The following SLC25A21 variants were observed in gnomAD, a reference collection of about 807,000 sequenced individuals.
The protein encoded by SLC25A21 is mitochondrial 2-oxodicarboxylate carrier.
SLC25A21 carries 47 observed loss-of-function variants against 43.8 expected under a neutral mutation model. The ratio of observed to expected loss-of-function variants is 1.07; its 90% CI spans 0.85 to 1.37. SLC25A21 has a LOEUF of 1.37. SLC25A21 is among the 40% of genes most tolerant of loss of function. SLC25A21 has a pLI of 0.00. For synonymous variants in SLC25A21, 131 were observed against 121.3 expected (o/e 1.08, Z -0.52); for missense variants, 352 against 350.2 (o/e 1.00, Z -0.04).
At chr14:36,973,621 T>A (rs1484793487) in intron 1 of SLC25A21, among the ~76,000 whole-genome samples, 1 of 152,134 alleles carries the variant, frequency 6.6e-6, no homozygotes, top group Non-Finnish European at 1.5e-5. Context: ...TCTCCTAGAG[T>A]TGAAAAGCAA....
At chr14:36,956,694 C>T (rs1959349696) in intron 1 of SLC25A21, among the ~76,000 whole-genome samples, 1 of 152,068 alleles carries the variant, frequency 6.6e-6, no homozygotes. Flanking sequence ...ATCAGTTCCT[C>T]TAAGAATCTC....
intron 6 of SLC25A21, among the ~76,000 whole-genome samples, chr14:36,711,946 A>G (rs1883895540): frequency 1.3e-5 from 2 of 152,232 alleles, no homozygotes; most frequent in African/African-American, 2.4e-5. Context: ...TTTTGATTCA[A>G]TTGCCTCAAT....
intron 2 of SLC25A21, among the ~76,000 whole-genome samples, chr14:36,840,332 AAAG>A (rs1486914204): frequency 6.6e-6 from 1 of 152,208 alleles, no homozygotes; most frequent in Non-Finnish European, 1.5e-5. Context: ...TTGAAAACAA[AAAG>A]AAGAGTTTAT....
intron 1 of SLC25A21, among the ~76,000 whole-genome samples, chr14:37,081,955 A>G (rs1316935766): frequency 6.6e-6 from 1 of 152,214 alleles, no homozygotes; most frequent in African/African-American, 2.4e-5. Flanking sequence ...CTGTATAACC[A>G]TATATAATAG....
intron 1 of SLC25A21, among the ~76,000 whole-genome samples, chr14:36,930,238 T>A (rs1002273847): frequency 6.6e-6 from 1 of 152,200 alleles, no homozygotes; most frequent in Non-Finnish European, 1.5e-5. Context: ...CACCAAGTTT[T>A]GGCTAGCTAA....
chr14:36,892,063 C>A (rs536152747), intron 1 of SLC25A21, among the ~76,000 whole-genome samples: 1 of 152,130 alleles, frequency 6.6e-6, no homozygotes, highest in African/African-American at 2.4e-5. Context: ...ACTTGCTAAC[C>A]ACATTATGTG....
intron 1 of SLC25A21, among the ~76,000 whole-genome samples, chr14:37,009,188 ATAACT>A (rs1174531409): frequency 2.0e-5 from 3 of 152,126 alleles, no homozygotes. Flanking sequence ...AAACTAAGAA[ATAACT>A]TAGATAGCTT....
intron 7 of SLC25A21, among the ~76,000 whole-genome samples, chr14:36,704,253 G>A (rs8021324): frequency 0.96 from 146,292 of 152,310 alleles, 70,288 homozygotes; most frequent in East Asian, 1. Context: ...ATGGGTCTGA[G>A]CATGGCAGAA....
At chr14:36,963,031 G>A (rs1441669551) in intron 1 of SLC25A21, among the ~76,000 whole-genome samples, 2 of 152,240 alleles carry the variant, frequency 1.3e-5, no homozygotes, top group African/African-American at 4.8e-5. Context: ...AAGTTATTGT[G>A]AGGCCTAAGT....
At chr14:36,697,539 G>A (rs1347037308) in intron 7 of SLC25A21, among the ~76,000 whole-genome samples, 1 of 152,124 alleles carries the variant, frequency 6.6e-6, no homozygotes, top group Non-Finnish European at 1.5e-5. Flanking sequence ...TATTTTGTGG[G>A]AGTCTAAGTC....
Position 36,679,773 on chromosome 14 carries a change from C to CAAAT in SLC25A21, c.*881_*884dup, listed in dbSNP as rs1882117805. 9 of 985,198 alleles carry CAAAT rather than the reference C, an allele frequency of 9.1e-6. No homozygotes were observed. Among genetic ancestry groups the CAAAT allele is most frequent in the African/African-American group, 1.7e-5 (1 of 57,222 alleles). The allele number at this position is 985,198 out of a possible 1,614,324, so 61.0% of individuals were successfully genotyped here. A position where few individuals can be genotyped will look rare whatever the true frequency, so the allele number is the denominator to read the frequency against. On this transcript the variant is annotated 3_prime_UTR_variant, in exon 10 of 10. Transcript: ENST00000331299. ...CATGCTGAATAAAGGTATTTGGATG[C>CAAAT]AAATACTGATGGCTGACAAATGGGT...
chr14:36,920,159 T>C (rs1039714459), intron 1 of SLC25A21, among the ~76,000 whole-genome samples: 6 of 152,074 alleles, frequency 3.9e-5, no homozygotes, highest in African/African-American at 1.4e-4. Flanking sequence ...ATTTTTCACT[T>C]ACGGCAGTAC....
At chr14:36,980,226 G>A (rs761638284) in intron 1 of SLC25A21, among the ~76,000 whole-genome samples, 1 of 152,114 alleles carries the variant, frequency 6.6e-6, no homozygotes, top group African/African-American at 2.4e-5. Context: ...TATGTGTCTT[G>A]GAGTTGCCCT....
chr14:36,718,162 G>A (rs762431581), intron 6 of SLC25A21, among the ~76,000 whole-genome samples: 2 of 152,076 alleles, frequency 1.3e-5, no homozygotes, highest in Non-Finnish European at 2.9e-5. Context: ...TCAAAGTCTT[G>A]ATTCTGAAAA....
chr14:37,107,980 T>C (rs1464199255), intron 1 of SLC25A21, among the ~76,000 whole-genome samples: 1 of 152,132 alleles, frequency 6.6e-6, no homozygotes, highest in Non-Finnish European at 1.5e-5. Flanking sequence ...CCTAATAGTG[T>C]CCAAGCTTGA....
At chr14:36,782,638 C>A (rs1000322538) in intron 3 of SLC25A21, among the ~76,000 whole-genome samples, 1 of 152,138 alleles carries the variant, frequency 6.6e-6, no homozygotes, top group African/African-American at 2.4e-5. Flanking sequence ...TATGGATGTA[C>A]CTGTTCCATC....
At chr14:37,062,804 A>C (rs1167794411) in intron 1 of SLC25A21, among the ~76,000 whole-genome samples, 4 of 152,172 alleles carry the variant, frequency 2.6e-5, no homozygotes, top group Non-Finnish European at 2.9e-5. Flanking sequence ...TGTAATAGAG[A>C]GGCTATCTTA....
rs745362708 is a variant in SLC25A21, at chr14:36,715,958, G to A, written c.439-4476C>T. ...ATACAAAAAGTAGCTGGGCATGGTG[G>A]TGCGGGCCTGTAGTCCCAGCTACTT... is the stretch of plus-strand genomic sequence containing the variant. On this transcript the variant is annotated intron_variant, in intron 6 of 9. Coordinates refer to ENST00000331299, the MANE Select transcript of SLC25A21 (RefSeq NM_030631.4). Among the ~76,000 whole-genome samples, 6 of 152,110 alleles carry A rather than the reference G, an allele frequency of 3.9e-5. 2 individuals are homozygous for A. In the South Asian group the frequency reaches 1.2e-3, roughly 31 times the overall value.
chr14:37,138,637 A>C (rs1372186689), intron 1 of SLC25A21, among the ~76,000 whole-genome samples: 2 of 151,866 alleles, frequency 1.3e-5, no homozygotes, highest in Admixed American at 6.6e-5. Context: ...ATTTCACTCC[A>C]CTCAATTTCC....
Sources: allele counts gnomAD v4.1 joint callset (sites outside exome capture counted in the v4.1 genomes callset), GRCh38; gene constraint gnomAD v4.1.1; transcripts MANE v1.5; gene names NCBI Gene and HGNC (gene_info 2026-07-23, HGNC 2026-07-21).